WDPCP: variants seen among roughly 807,000 people sequenced by gnomAD.
The protein encoded by WDPCP is WD repeat-containing and planar cell polarity effector protein fritz homolog.
WDPCP carries 71 observed loss-of-function variants against 93.1 expected under a neutral mutation model. The ratio of observed to expected loss-of-function variants is 0.76; its 90% CI spans 0.63 to 0.93. WDPCP has a LOEUF of 0.93. Ranked by LOEUF, WDPCP falls within the 40% of genes least tolerant of loss-of-function variation. The probability of loss-of-function intolerance (pLI) is 0.00; values close to 1 mark genes in which losing one functional copy is unlikely to be tolerated. For missense variants in WDPCP, 844 were observed against 887.4 expected, an observed-to-expected ratio of 0.95 and a Z score of 0.62; for synonymous variants, 315 against 315.0, an observed-to-expected ratio of 1.00 and a Z score of 0.00.
At chr2:63,839,576 AAAC>A in the WDPCP span, among the ~76,000 whole-genome samples, 6 of 152,190 alleles carry the variant, frequency 3.9e-5, no homozygotes, top group Non-Finnish European at 4.4e-5. Context: ...AACAAAAACA[AAAC>A]AACAACAACA....
chr2:63,343,328 C>G (rs1183567812), intron 12 of WDPCP, among the ~76,000 whole-genome samples: 1 of 151,894 alleles, frequency 6.6e-6, no homozygotes, highest in African/African-American at 2.4e-5. Context: ...TATGTCTTCT[C>G]ACTGCCTTCT....
At chr2:63,714,634 C>T (rs1669308695) in intron 2 of WDPCP, among the ~76,000 whole-genome samples, 1 of 152,066 alleles carries the variant, frequency 6.6e-6, no homozygotes. Flanking sequence ...TCAATACCAT[C>T]CTGGGTAACA....
chr2:63,131,202 G>A (rs532612080), intron 17 of WDPCP, among the ~76,000 whole-genome samples: 2 of 152,212 alleles, frequency 1.3e-5, no homozygotes, highest in South Asian at 4.1e-4. Flanking sequence ...TGATATGGAA[G>A]GATTTACTAT....
chr2:63,350,072 A>C (rs144463509), intron 12 of WDPCP, among the ~76,000 whole-genome samples: 3 of 152,218 alleles, frequency 2.0e-5, no homozygotes, highest in Admixed American at 6.5e-5. Flanking sequence ...CTGGATTAAG[A>C]AAATGTGGCA....
chr2:63,166,316 T>G (rs6715413), intron 15 of WDPCP, among the ~76,000 whole-genome samples: 1 of 151,980 alleles, frequency 6.6e-6, no homozygotes, highest in Non-Finnish European at 1.5e-5. Flanking sequence ...TCGCCTGCCT[T>G]GGCCTCCCAA....
At chr2:63,452,975 A>G (rs1435619631) in intron 6 of WDPCP, among the ~76,000 whole-genome samples, 1 of 152,226 alleles carries the variant, frequency 6.6e-6, no homozygotes, top group Non-Finnish European at 1.5e-5. Context: ...TGTTAGACCT[A>G]AAACCATAAA....
At position 63,121,914 on chromosome 2, in the gene WDPCP, CTT is replaced by C; in HGVS notation, c.*90_*91del. ...CTAATTTATATGATTCATACTGTCT[CTT>C]GTTAAAAATCCACACGGGGGATTTT... is the stretch of plus-strand genomic sequence containing the variant. On this transcript the variant is annotated 3_prime_UTR_variant, in exon 18 of 18. Transcript: ENST00000272321. 1 of 1,587,956 alleles carries C rather than the reference CTT, an allele frequency of 6.3e-7. No homozygotes were observed. The highest frequency in any genetic ancestry group is 8.5e-7 in the Non-Finnish European group (1 of 1,171,298).
intron 9 of WDPCP, among the ~76,000 whole-genome samples, chr2:63,408,124 G>A (rs1418021603): frequency 6.6e-6 from 1 of 152,178 alleles, no homozygotes; most frequent in Non-Finnish European, 1.5e-5. Flanking sequence ...ACAGAGCAGT[G>A]TGTGGAGGCT....
chr2:63,322,541 A>G (rs1687196461), intron 12 of WDPCP, among the ~76,000 whole-genome samples: 1 of 151,998 alleles, frequency 6.6e-6, no homozygotes, highest in African/African-American at 2.4e-5. Flanking sequence ...CAGATGTGCC[A>G]CCTTTAAGAG....
chr2:63,131,124 T>A (rs1252964520), intron 17 of WDPCP, among the ~76,000 whole-genome samples: 1 of 152,204 alleles, frequency 6.6e-6, no homozygotes, highest in Non-Finnish European at 1.5e-5. Context: ...TTAGAGTTTT[T>A]AAAAAAATCC....
intron 12 of WDPCP, among the ~76,000 whole-genome samples, chr2:63,346,305 G>A (rs1339656774): frequency 6.6e-6 from 1 of 152,160 alleles, no homozygotes; most frequent in African/African-American, 2.4e-5. Context: ...CAGTGACAGT[G>A]GGTTCAGTTT....
upstream of WDPCP, among the ~76,000 whole-genome samples, chr2:63,829,691 C>G (rs1671164072): frequency 6.6e-6 from 1 of 152,106 alleles, no homozygotes; most frequent in African/African-American, 2.4e-5. Context: ...TCGCTTCCTT[C>G]CATTTCCCAA....
rs150207217 is a variant in WDPCP at position 63,328,605 on chromosome 2, G to A, written c.1749-15294C>T. Among the ~76,000 whole-genome samples the A allele has an allele frequency of 1.2e-3, 185 of 152,262 alleles. 2 individuals carry two copies. The highest frequency in any genetic ancestry group is 4.0e-3 in the African/African-American group (167 of 41,548). ...CTTTAAGAACTGTAACACTCACTGC[G>A]AGCGTCCGCGGCTTCATTCTTGAAG... On this transcript the variant is annotated intron_variant, in intron 12 of 17. Coordinates refer to ENST00000272321, the MANE Select transcript of WDPCP (RefSeq NM_015910.7).
chr2:63,177,578 C>G (rs1025676828), intron 14 of WDPCP, among the ~76,000 whole-genome samples: 12 of 152,190 alleles, frequency 7.9e-5, no homozygotes, highest in Admixed American at 1.3e-4. Flanking sequence ...TGTATGTTGA[C>G]TTGTATCTTG....
chr2:63,807,098 C>T (rs1670777968), intron 2 of WDPCP, among the ~76,000 whole-genome samples: 1 of 151,990 alleles, frequency 6.6e-6, no homozygotes, highest in African/African-American at 2.4e-5. Context: ...TAAAGACAGG[C>T]ATAAGAAATT....
In WDPCP at chr2:63,153,534, A is replaced by C; in HGVS notation, c.2119T>G (p.Cys707Gly). The change falls in exon 16 of 18, where the codon TGT becomes GGT. Residue 707 changes from cysteine (C) to glycine (G), a missense_variant. Coordinates refer to ENST00000272321, the MANE Select transcript of WDPCP (RefSeq NM_015910.7). ...DRRNELEKDI[C>G]SGFLMTNTCN... is the part of the protein sequence containing the mutation. ...GTATTAGTCATCAAAAATCCAGAAC[A>C]GATGTCTTTTTCAAGTTCATTCCTT... 1 of 1,612,686 alleles carries C rather than the reference A, an allele frequency of 6.2e-7. No individual in the cohort carries two copies. Among genetic ancestry groups the C allele is most frequent in the Non-Finnish European group, 8.5e-7 (1 of 1,179,196 alleles).
chr2:63,373,601 G>C (rs1183959190), intron 12 of WDPCP, among the ~76,000 whole-genome samples: 13 of 150,648 alleles, frequency 8.6e-5, no homozygotes, highest in Non-Finnish European at 3.0e-5. Flanking sequence ...AAAAAACTGA[G>C]GAAAAAAATC....
chr2:63,575,200 T>C (rs1707828033), intron 1 of WDPCP, among the ~76,000 whole-genome samples: 1 of 151,422 alleles, frequency 6.6e-6, no homozygotes, highest in African/African-American at 2.4e-5. Context: ...TATTTCTCTA[T>C]GTTACATAAT....
chr2:63,275,057 C>A (rs537178519), intron 13 of WDPCP, among the ~76,000 whole-genome samples: 5 of 152,172 alleles, frequency 3.3e-5, no homozygotes, highest in Admixed American at 2.0e-4. Context: ...TGCAAAAATC[C>A]TCAACAAAAT....
Sources: allele counts gnomAD v4.1 joint callset (sites outside exome capture counted in the v4.1 genomes callset), GRCh38; gene constraint gnomAD v4.1.1; transcripts MANE v1.5; gene names NCBI Gene and HGNC (gene_info 2026-07-23, HGNC 2026-07-21).